The following IRAK2 variants were observed in gnomAD, a reference collection of about 807,000 sequenced individuals.
IRAK2 encodes the protein interleukin 1 receptor associated kinase 2, also known as interleukin-1 receptor-associated kinase-like 2.
In IRAK2, 57 loss-of-function variants were observed where a neutral mutation model predicts 72.0. The observed-to-expected ratio is 0.79, with a 90% CI of 0.64 to 0.99. The LOEUF is 0.99. IRAK2 is among the 50% of genes least tolerant of loss of function. IRAK2 has a pLI of 0.00. For missense variants in IRAK2, 790 were observed against 794.4 expected (o/e 0.99, Z 0.07); for synonymous variants, 293 against 312.7 (o/e 0.94, Z 0.67).
At position 10,204,727 on chromosome 3, in the gene IRAK2, T is replaced by A. The variant is rs1377980145; in HGVS notation, c.424+4212T>A. Among the ~76,000 whole-genome samples the A allele has an allele frequency of 2.0e-5, 3 of 152,078 alleles. No homozygotes were observed. In the East Asian group the frequency reaches 5.8e-4, roughly 29 times the overall value. On this transcript the variant is annotated intron_variant, in intron 3 of 12. Transcript: ENST00000256458. ...TCACGCCACTGCACTCCAGCTTGGG[T>A]GACAGAGAAAGACTCTGTTTCAAAA...
intron 10 of IRAK2, among the ~76,000 whole-genome samples, chr3:10,233,708 T>C (rs1697903801): frequency 6.6e-6 from 1 of 152,204 alleles, no homozygotes; most frequent in Admixed American, 6.6e-5. Flanking sequence ...GTGCTTATCA[T>C]GTAGTAAGTG....
At chr3:10,168,142 C>T (rs1696724844) in intron 1 of IRAK2, among the ~76,000 whole-genome samples, 6 of 152,006 alleles carry the variant, frequency 3.9e-5, no homozygotes, top group Admixed American at 3.9e-4. Context: ...TCTAAAGTGG[C>T]TGAACCACCA....
chr3:10,224,311 T>C (rs1697737973), intron 9 of IRAK2, among the ~76,000 whole-genome samples: 1 of 142,064 alleles, frequency 7.0e-6, no homozygotes, highest in Admixed American at 7.3e-5. Flanking sequence ...CACTCCAGCC[T>C]GGGCAACAGA....
At chr3:10,228,835 T>C (rs182025768) in intron 10 of IRAK2, among the ~76,000 whole-genome samples, 1 of 152,308 alleles carries the variant, frequency 6.6e-6, no homozygotes, top group East Asian at 1.9e-4. Context: ...TCCACCTAAA[T>C]TGAAAATATG....
At chr3:10,229,470 C>T (rs770393479) in intron 10 of IRAK2, among the ~76,000 whole-genome samples, 11 of 152,286 alleles carry the variant, frequency 7.2e-5, no homozygotes, top group South Asian at 2.1e-4. Context: ...AATCAAGATA[C>T]GGAATATTTT....
intron 1 of IRAK2, among the ~76,000 whole-genome samples, chr3:10,174,336 G>T (rs1696840611): frequency 6.6e-6 from 1 of 152,048 alleles, no homozygotes; most frequent in Admixed American, 6.6e-5. Flanking sequence ...AAGGGTAGGG[G>T]ATTGTGCAAT....
intron 7 of IRAK2, 88 bp downstream of exon 7, chr3:10,217,136 G>GGA: frequency 1.1e-6 from 1 of 920,572 alleles, no homozygotes; most frequent in Non-Finnish European, 1.8e-6. Flanking sequence ...AGTTCAGAGG[G>GGA]GAGAGGGGCC....
intron 2 of IRAK2, among the ~76,000 whole-genome samples, chr3:10,198,727 T>A (rs1439086356): frequency 6.6e-6 from 1 of 152,102 alleles, no homozygotes; most frequent in East Asian, 1.9e-4. Flanking sequence ...GGGTAACAAT[T>A]GGTTTTGTTT....
intron 9 of IRAK2, 88 bp downstream of exon 9, chr3:10,222,919 C>A: frequency 1.7e-6 from 2 of 1,205,146 alleles, no homozygotes; most frequent in Non-Finnish European, 1.2e-6. Context: ...ACGGTAGAGG[C>A]ACACAGACAG....
At chr3:10,229,585 T>C (rs1160768618) in intron 10 of IRAK2, among the ~76,000 whole-genome samples, 1 of 152,194 alleles carries the variant, frequency 6.6e-6, no homozygotes, top group Non-Finnish European at 1.5e-5. Flanking sequence ...AATGGGCCCA[T>C]GGCAGATGCA....
intron 3 of IRAK2, among the ~76,000 whole-genome samples, chr3:10,207,677 T>A (rs1409550327): frequency 6.6e-6 from 1 of 152,188 alleles, no homozygotes; most frequent in Non-Finnish European, 1.5e-5. Context: ...CTTGTGAATC[T>A]TGTTCACTCA....
chr3:10,216,164 A>T (rs1244011160), intron 6 of IRAK2, among the ~76,000 whole-genome samples: 1 of 152,176 alleles, frequency 6.6e-6, no homozygotes, highest in Non-Finnish European at 1.5e-5. Flanking sequence ...GGGACATTTT[A>T]AAAGTTATTT....
At chr3:10,177,737 G>A in intron 1 of IRAK2, 101 bp from the exon 2 acceptor site, 1 of 1,155,890 alleles carries the variant, frequency 8.7e-7, no homozygotes, top group Non-Finnish European at 1.3e-6. Context: ...CGGTGGTTGG[G>A]GAGGATGTCC....
At chr3:10,197,810 C>T (rs1187267537) in intron 2 of IRAK2, among the ~76,000 whole-genome samples, 1 of 150,724 alleles carries the variant, frequency 6.6e-6, no homozygotes, top group Non-Finnish European at 1.5e-5. Context: ...CGAGATTGTG[C>T]CACTGCACTC....
rs1237099209 is a variant in IRAK2 at position 10,212,682 on chromosome 3, C to T, written c.529-525C>T. Reference sequence around the variant, plus strand: ...TTTGCTGATGGAAAAAATTGAGGCTCAGAGAGGTTAAGTAACTCACCCAAG... The same window carrying T: ...TTTGCTGATGGAAAAAATTGAGGCTTAGAGAGGTTAAGTAACTCACCCAAG... On this transcript the variant is annotated intron_variant, in intron 4 of 12. Transcript: ENST00000256458. Among the ~76,000 whole-genome samples, 5 of 151,772 alleles carry T rather than the reference C, an allele frequency of 3.3e-5. No homozygotes were observed. The East Asian group carries it at 9.6e-4, about 29-fold the overall frequency.
rs1401680874 is a variant in IRAK2 at position 10,190,309 on chromosome 3, C to T, written c.278-10060C>T. Among the ~76,000 whole-genome samples, 3 of 126,124 alleles carry T rather than the reference C, an allele frequency of 2.4e-5. No individual in the cohort carries two copies. The East Asian group carries it at 6.6e-4, about 28-fold the overall frequency. The allele number at this position is 126,124 out of a possible 152,430, so 82.7% of individuals were successfully genotyped here. On this transcript the variant is annotated intron_variant, in intron 2 of 12. Transcript: ENST00000256458. ...TTTTTTTTTTTTTGTGAGACAGAGT[C>T]TCACTCTGTTGTCCAGGCTGAAGTG... is the stretch of plus-strand genomic sequence containing the variant.
At position 10,170,026 on chromosome 3, in the gene IRAK2, G is replaced by A. The variant is rs369369447; in HGVS notation, c.94+4978G>A. On this transcript the variant is annotated intron_variant, in intron 1 of 12. Transcript: ENST00000256458. The stretch of plus-strand genomic sequence containing the variant: ...CCCTGACTTCCCACAACACTACAAA[G>A]TTGGTGGCCTGTAACACCTCAAGTT... 7.7e-4 allele frequency among the ~76,000 whole-genome samples: 118 copies of A among 152,280 alleles called. 1 individual carries two copies. The highest frequency in any genetic ancestry group is 2.8e-3 in the African/African-American group (115 of 41,568).
chr3:10,224,285 C>G (rs947966010), intron 9 of IRAK2, among the ~76,000 whole-genome samples: 2 of 149,996 alleles, frequency 1.3e-5, no homozygotes, highest in Admixed American at 6.7e-5. Flanking sequence ...TGCAGTAAGC[C>G]GAGATCGCGC....
intron 10 of IRAK2, among the ~76,000 whole-genome samples, chr3:10,234,121 C>G (rs1486101883): frequency 2.0e-5 from 3 of 152,162 alleles, no homozygotes; most frequent in East Asian, 1.9e-4. Flanking sequence ...TTCTGCCTCC[C>G]AAAGTGCTAA....
Sources: allele counts gnomAD v4.1 joint callset (sites outside exome capture counted in the v4.1 genomes callset), GRCh38; gene constraint gnomAD v4.1.1; transcripts MANE v1.5; gene names NCBI Gene and HGNC (gene_info 2026-07-23, HGNC 2026-07-21).